Variants in TTC13 observed in about 807,000 individuals in gnomAD.
TTC13 encodes the protein tetratricopeptide repeat domain 13, also known as tetratricopeptide repeat protein 13.
Under a neutral mutation model 120.0 loss-of-function variants are expected in TTC13, and 62 were observed. The ratio of observed to expected loss-of-function variants is 0.52; its 90% CI spans 0.42 to 0.64. The LOEUF is 0.64. Among genes scored for constraint, TTC13 ranks in the 30% least tolerant of loss-of-function variants. TTC13 has a pLI of 0.00. For synonymous variants in TTC13, 384 were observed against 393.5 expected (o/e 0.98, Z 0.28); for missense variants, 824 against 1,050.2 (o/e 0.78, Z 2.98).
At chr1:230,972,324 G>A (rs1291122727) in intron 1 of TTC13, among the ~76,000 whole-genome samples, 1 of 152,126 alleles carries the variant, frequency 6.6e-6, no homozygotes, top group African/African-American at 2.4e-5. Flanking sequence ...TTATGAAAAC[G>A]TATTGAGCTA....
At chr1:230,972,811 A>G (rs1677899183) in intron 1 of TTC13, among the ~76,000 whole-genome samples, 1 of 152,230 alleles carries the variant, frequency 6.6e-6, no homozygotes, top group African/African-American at 2.4e-5. Context: ...GAAAAAGCGA[A>G]TCATAGGCTG....
rs1033152548 is a variant in TTC13 at position 230,925,030 on chromosome 1, C to A, written c.1589-57G>T. 9 of 1,601,662 alleles carry A rather than the reference C, an allele frequency of 5.6e-6. No individual in the cohort carries two copies. The African/African-American group carries it at 1.2e-4, about 21-fold the overall frequency. ...ACACTTTAGAGGGACTGAGTTCCAC[C>A]TACTTTACAGAGTCTCAGTGATAAC... On this transcript the variant is annotated intron_variant, in intron 13 of 22. Coordinates refer to ENST00000366661, the MANE Select transcript of TTC13 (RefSeq NM_024525.5).
intron 1 of TTC13, among the ~76,000 whole-genome samples, chr1:230,969,314 A>G (rs57343180): frequency 0.22 from 33,847 of 152,148 alleles, 3,938 homozygotes; most frequent in East Asian, 0.4. Context: ...CTTACGTTTA[A>G]TAAGAGAAGA....
chr1:230,921,397 A>C (rs777683987), intron 16 of TTC13, 24 bp downstream of exon 16: 1 of 1,285,382 alleles, frequency 7.8e-7, no homozygotes, highest in South Asian at 1.3e-5. Flanking sequence ...CTCATTACTA[A>C]GAAGGAGAAA....
Position 230,925,564 on chromosome 1 carries a change from A to G in TTC13, c.1541T>C (p.Met514Thr). The change falls in exon 13 of 23, where the codon ATG becomes ACG. Residue 514 changes from methionine (M) to threonine (T), a missense_variant. Around this residue, in one of 4 missense-constraint regions of TTC13, gnomAD observed 430 missense variants for 626.8 expected, o/e 0.69. Transcript: ENST00000366661. ...ICVADRLGSLMQYETPGFLPN... is the reference protein window; with the variant it reads ...ICVADRLGSLTQYETPGFLPN... ...CAGGAAACCAGGTGTTTCATATTGCATCAGGGATCCCAAACGATCAGCCAC... is the reference window on the plus strand; with the variant it reads ...CAGGAAACCAGGTGTTTCATATTGCGTCAGGGATCCCAAACGATCAGCCAC... 1.2e-6 allele frequency: 2 copies of G among 1,614,162 alleles called. No homozygotes were observed. The highest frequency in any genetic ancestry group is 1.7e-6 in the Non-Finnish European group (2 of 1,179,996).
At chr1:230,907,213 G>A (rs942460186) in intron 22 of TTC13, among the ~76,000 whole-genome samples, 194 bp from the exon 23 acceptor site, 9 of 152,208 alleles carry the variant, frequency 5.9e-5, no homozygotes, top group East Asian at 1.9e-4. Context: ...CAGCCAACAC[G>A]TTACAAGTCG....
intron 2 of TTC13, among the ~76,000 whole-genome samples, chr1:230,958,892 G>T (rs113182922): frequency 6.6e-6 from 1 of 152,168 alleles, no homozygotes; most frequent in African/African-American, 2.4e-5. Flanking sequence ...ACTTGGTTGG[G>T]GCTGAGGCAG....
In TTC13 at chr1:230,945,374, C is replaced by T; in HGVS notation, c.579+15G>A. 6.2e-7 allele frequency: 1 copy of T among 1,611,838 alleles called. No homozygotes were observed. The highest frequency in any genetic ancestry group is 8.5e-7 in the Non-Finnish European group (1 of 1,177,878). ...CATGTAGGCGCTATGGCAATCGTAACTATTACATACTCACATGTAGTCCCT... is the reference window on the plus strand; with the variant it reads ...CATGTAGGCGCTATGGCAATCGTAATTATTACATACTCACATGTAGTCCCT... On this transcript the variant is annotated intron_variant, in intron 5 of 22. Transcript: ENST00000366661.
intron 1 of TTC13, among the ~76,000 whole-genome samples, chr1:230,964,951 A>G (rs1228337031): frequency 6.6e-6 from 1 of 152,202 alleles, no homozygotes; most frequent in Non-Finnish European, 1.5e-5. Flanking sequence ...CTAGACTCCT[A>G]TCCCTCACCA....
rs1056459412 is a variant in TTC13 at position 230,948,628 on chromosome 1, T to C, written c.514-3174A>G. ...TCAGCCTTTCAAGTACCTGAGGCTA[T>C]AGGAGTGCACGATCACACCAGGCTA... On this transcript the variant is annotated intron_variant, in intron 4 of 22. Coordinates refer to ENST00000366661, the MANE Select transcript of TTC13 (RefSeq NM_024525.5). 7.9e-5 allele frequency among the ~76,000 whole-genome samples: 12 copies of C among 152,152 alleles called. No individual in the cohort carries two copies. In the South Asian group the frequency reaches 2.3e-3, roughly 29 times the overall value.
intron 17 of TTC13, 29 bp from the exon 18 acceptor site, chr1:230,916,331 C>T: frequency 1.3e-6 from 2 of 1,525,916 alleles, no homozygotes; most frequent in Non-Finnish European, 1.8e-6. Flanking sequence ...ATTCACGTTA[C>T]TAGTGTTTCA....
At position 230,939,424 on chromosome 1, in the gene TTC13, A is replaced by G. The variant is rs1472612103; in HGVS notation, c.862T>C (p.Tyr288His). Residue 288 changes from tyrosine to histidine, a missense_variant, in exon 8 of 23, where the codon TAC becomes CAC. This residue lies in a region of TTC13 where 430 missense variants were observed against 626.8 expected (regional missense o/e 0.69). Coordinates refer to ENST00000366661, the MANE Select transcript of TTC13 (RefSeq NM_024525.5). The part of the protein sequence containing the change: ...LNKNQPIAML[Y>H]KGLTFFHRGL... ...CTGTGAAAGAAAGTTAAACCTTTGT[A>G]TAGCATAGCTATAGGCTGGTTTTTG... 6.2e-7 allele frequency: 1 copy of G among 1,612,888 alleles called. No individual in the cohort carries two copies. Among genetic ancestry groups the G allele is most frequent in the Admixed American group, 1.7e-5 (1 of 60,024 alleles).
chr1:230,916,314 A>G lies in TTC13; in HGVS notation c.1984-12T>C. ...TTAGTATTAAACTGCTTTCAGGGAA[A>G]AAGAAAATTCACGTTACTAGTGTTT... On this transcript the variant is annotated splice_polypyrimidine_tract_variant and intron_variant, in intron 17 of 22. Transcript: ENST00000366661. The G allele has an allele frequency of 6.3e-7, 1 of 1,597,094 alleles. No individual in the cohort carries two copies. The highest frequency in any genetic ancestry group is 8.6e-7 in the Non-Finnish European group (1 of 1,164,458).
Position 230,931,759 on chromosome 1 carries a change from G to C in TTC13, c.1102C>G (p.Gln368Glu), listed in dbSNP as rs1673580130. The C allele has an allele frequency of 6.2e-7, 1 of 1,614,012 alleles. No individual in the cohort carries two copies. Among genetic ancestry groups the C allele is most frequent in the African/African-American group, 1.3e-5 (1 of 74,912 alleles). The change falls in exon 10 of 23, where the codon CAG becomes GAG. Residue 368 changes from glutamine to glutamate, a missense_variant. By Grantham distance (29) the Gln-to-Glu change is conservative (BLOSUM62 2). Around this residue, in one of 4 missense-constraint regions of TTC13, gnomAD observed 430 missense variants for 626.8 expected, o/e 0.69. Coordinates refer to ENST00000366661, the MANE Select transcript of TTC13 (RefSeq NM_024525.5). ...GMMLYHHGSL[Q>E]EALKNFKRCL... ...ACCTTAAAGTTCTTAAGGGCTTCCT[G>C]TAAGCTGCCGTGGTGGTAGAGCATC...
chr1:230,956,731 G>GA (rs1232751582), intron 3 of TTC13, among the ~76,000 whole-genome samples: 3 of 152,092 alleles, frequency 2.0e-5, no homozygotes, highest in East Asian at 1.9e-4. Context: ...AACATTTTGT[G>GA]AAAAAAACGC....
chr1:230,945,343 T>C, intron 5 of TTC13, 46 bp downstream of exon 5: 2 of 1,544,698 alleles, frequency 1.3e-6, no homozygotes, highest in Non-Finnish European at 1.8e-6. Context: ...CTGGTCTGTG[T>C]CAGGTCATGT....
At position 230,920,577 on chromosome 1, in the gene TTC13, C is replaced by A; in HGVS notation, c.1916G>T (p.Gly639Val). The change falls in exon 17 of 23, where the codon GGA becomes GTA. Residue 639 changes from glycine (G) to valine (V), a missense_variant. Transcript: ENST00000366661. ...LVYHGANNPK[G>V]LLEVREALEK... is the part of the protein sequence containing the mutation. ...CAGGGCTTCCCGAACTTCCAGCAAT[C>A]CTTTAGGATTATTAGCTCTTAAAGA... 6.3e-7 allele frequency: 1 copy of A among 1,587,168 alleles called. No individual in the cohort carries two copies. Among genetic ancestry groups the A allele is most frequent in the Non-Finnish European group, 8.5e-7 (1 of 1,169,730 alleles).
intron 12 of TTC13, among the ~76,000 whole-genome samples, chr1:230,926,569 G>C (rs187157621): frequency 6.6e-6 from 1 of 152,118 alleles, no homozygotes; most frequent in South Asian, 2.1e-4. Flanking sequence ...GGAGTGGTAG[G>C]AATCCCCTCG....
chr1:230,971,904 A>G (rs1190398674), intron 1 of TTC13, among the ~76,000 whole-genome samples: 2 of 152,220 alleles, frequency 1.3e-5, no homozygotes, highest in Admixed American at 1.3e-4. Flanking sequence ...AGTGACACAT[A>G]CTTTTAAGAG....
Sources: gnomAD v4.1 joint callset for allele counts (sites outside exome capture counted in the v4.1 genomes callset) on GRCh38, gnomAD v4.1.1 for gene constraint, gnomAD v4.1.1 regional missense constraint, MANE v1.5 for transcripts, NCBI Gene and HGNC (gene_info 2026-07-23, HGNC 2026-07-21) for gene names.